BRD4: variants seen among roughly 807,000 people sequenced by gnomAD.
BRD4 encodes bromodomain-containing protein 4.
BRD4 carries 16 observed loss-of-function variants against 142.1 expected under a neutral mutation model. The ratio of observed to expected loss-of-function variants is 0.11; its 90% CI spans 0.08 to 0.17. The LOEUF is 0.17. Among genes scored for constraint, BRD4 ranks in the 10% least tolerant of loss-of-function variants. The pLI is 1.00. For missense variants in BRD4, 1,424 were observed against 1,810.9 expected (o/e 0.79, Z 3.88); for synonymous variants, 833 against 707.5 (o/e 1.18, Z -2.82).
chr19:15,250,062 C>T (rs1166745269), intron 11 of BRD4, among the ~76,000 whole-genome samples: 1 of 152,144 alleles, frequency 6.6e-6, no homozygotes, highest in Non-Finnish European at 1.5e-5. Flanking sequence ...AGAGCGGATG[C>T]CTCTGCTGGA....
At chr19:15,325,896 G>A (rs1164082783) in intron 1 of BRD4, among the ~76,000 whole-genome samples, 1 of 150,420 alleles carries the variant, frequency 6.6e-6, no homozygotes, top group Non-Finnish European at 1.5e-5. Flanking sequence ...TACTAAGGAG[G>A]CTGAGGCAGG....
In BRD4 at chr19:15,264,475, C is replaced by T; in HGVS notation, c.1141G>A (p.Asp381Asn). 1 of 1,613,654 alleles carries T rather than the reference C, an allele frequency of 6.2e-7. No homozygotes were observed. Among genetic ancestry groups the T allele is most frequent in the Non-Finnish European group, 8.5e-7 (1 of 1,179,864 alleles). The change falls in exon 6 of 20, where the codon GAC (aspartate) becomes AAC (asparagine). Residue 381 changes from aspartate to asparagine, a missense_variant. This residue lies in a region of BRD4 where 30 missense variants were observed against 65.2 expected (regional missense o/e 0.46). Coordinates refer to ENST00000679869, the MANE Select transcript of BRD4 (RefSeq NM_001379291.1). Reference sequence around the variant, plus strand: ...TCGTGTAGGCCCAGTGCCTCCACGTCCACAGGCTTGTAGAAGGGCCAGGCG... The same window carrying T: ...TCGTGTAGGCCCAGTGCCTCCACGTTCACAGGCTTGTAGAAGGGCCAGGCG... ...AYAWPFYKPV[D>N]VEALGLHDYC...
intron 7 of BRD4, among the ~76,000 whole-genome samples, chr19:15,262,049 C>T (rs1049202292): frequency 9.2e-5 from 14 of 152,196 alleles, no homozygotes; most frequent in African/African-American, 3.1e-4. Flanking sequence ...GTCCTCTGAA[C>T]CCAAGGCAGC....
intron 1 of BRD4, among the ~76,000 whole-genome samples, chr19:15,313,036 C>T (rs1265455974): frequency 1.3e-5 from 2 of 151,902 alleles, no homozygotes; most frequent in Non-Finnish European, 2.9e-5. Context: ...TGTGCCACTG[C>T]ACTCCAGCTT....
chr19:15,330,483 C>T (rs1479494739), intron 1 of BRD4, among the ~76,000 whole-genome samples: 1 of 152,074 alleles, frequency 6.6e-6, no homozygotes, highest in East Asian at 1.9e-4. Flanking sequence ...AAATTATTGG[C>T]GGCCGGGAAC....
intron 1 of BRD4, among the ~76,000 whole-genome samples, chr19:15,286,657 A>C (rs1568398667): frequency 6.6e-6 from 1 of 152,218 alleles, no homozygotes; most frequent in African/African-American, 2.4e-5. Context: ...TCAGGTGCTA[A>C]ATTTTCACCC....
At chr19:15,245,696 G>T (rs1029109311) in intron 11 of BRD4, among the ~76,000 whole-genome samples, 5 of 152,188 alleles carry the variant, frequency 3.3e-5, no homozygotes, top group Admixed American at 3.3e-4. Context: ...CCCACAGGGG[G>T]ACATGAGCCC....
At chr19:15,315,245 A>G (rs1181463308) in intron 1 of BRD4, among the ~76,000 whole-genome samples, 2 of 152,168 alleles carry the variant, frequency 1.3e-5, no homozygotes, top group Non-Finnish European at 2.9e-5. Flanking sequence ...ATGTAAAAGT[A>G]AAATCCTTCA....
intron 11 of BRD4, chr19:15,245,012 C>T (rs2047273108): frequency 1.6e-6 from 1 of 639,002 alleles, no homozygotes; most frequent in South Asian, 2.0e-5. Context: ...CCCTGCCAAG[C>T]TTCAGATCAC....
intron 1 of BRD4, among the ~76,000 whole-genome samples, chr19:15,293,116 G>A (rs2047797008): frequency 6.6e-6 from 1 of 152,152 alleles, no homozygotes; most frequent in East Asian, 1.9e-4. Flanking sequence ...CATCCAGGCT[G>A]AAAGAAAAAA....
At chr19:15,240,186 A>G (rs1364151741) in intron 14 of BRD4, among the ~76,000 whole-genome samples, 164 bp from the exon 15 acceptor site, 2 of 152,222 alleles carry the variant, frequency 1.3e-5, no homozygotes, top group Non-Finnish European at 2.9e-5. Context: ...GAAGACCCAC[A>G]CAAGTGACTG....
At chr19:15,308,353 C>T (rs1170229204) in intron 1 of BRD4, among the ~76,000 whole-genome samples, 1 of 151,168 alleles carries the variant, frequency 6.6e-6, no homozygotes, top group African/African-American at 2.4e-5. Context: ...CTTTGGGAGG[C>T]CCAGGCGGGT....
At chr19:15,264,313 G>T in intron 6 of BRD4, 91 bp downstream of exon 6, 1 of 1,480,142 alleles carries the variant, frequency 6.8e-7, no homozygotes, top group Non-Finnish European at 9.0e-7. Flanking sequence ...CAGGGCCTGG[G>T]CTTCCTCTTG....
chr19:15,249,901 G>T (rs755079381), intron 11 of BRD4, among the ~76,000 whole-genome samples: 2 of 152,146 alleles, frequency 1.3e-5, no homozygotes, highest in Non-Finnish European at 2.9e-5. Flanking sequence ...CTAAAAAGCA[G>T]AACCTATTAT....
chr19:15,291,839 T>C (rs867828114), intron 1 of BRD4, among the ~76,000 whole-genome samples: 23 of 152,326 alleles, frequency 1.5e-4, no homozygotes, highest in Admixed American at 2.6e-4. Flanking sequence ...CTTCAGTGGT[T>C]TGCATGCTGT....
At chr19:15,293,522 G>C (rs1196575115) in intron 1 of BRD4, among the ~76,000 whole-genome samples, 1 of 152,212 alleles carries the variant, frequency 6.6e-6, no homozygotes, top group Non-Finnish European at 1.5e-5. Context: ...CGCCATGGCA[G>C]AGTGTAAGAG....
At chr19:15,276,706 G>C (rs1456918570) in intron 1 of BRD4, among the ~76,000 whole-genome samples, 1 of 152,206 alleles carries the variant, frequency 6.6e-6, no homozygotes, top group Non-Finnish European at 1.5e-5. Flanking sequence ...CTCTGGAAAA[G>C]CAAAACAGTT....
chr19:15,312,051 TTA>T (rs1299429826), intron 1 of BRD4, among the ~76,000 whole-genome samples: 10 of 152,350 alleles, frequency 6.6e-5, no homozygotes, highest in Admixed American at 5.2e-4. Flanking sequence ...ATGTTGCATT[TTA>T]TGTTTTGAAA....
At chr19:15,307,366 G>C (rs1399155306) in intron 1 of BRD4, among the ~76,000 whole-genome samples, 2 of 152,086 alleles carry the variant, frequency 1.3e-5, no homozygotes, top group Admixed American at 6.5e-5. Context: ...TCACTGACAG[G>C]GAAACAGGAT....
Sources: allele counts gnomAD v4.1 joint callset (sites outside exome capture counted in the v4.1 genomes callset), GRCh38; gene constraint gnomAD v4.1.1; regional missense constraint gnomAD v4.1.1; transcripts MANE v1.5; gene names NCBI Gene and HGNC (gene_info 2026-07-23, HGNC 2026-07-21).